PCDH11X: variants seen among roughly 807,000 people sequenced by gnomAD.
The protein encoded by PCDH11X is protocadherin-11 X-linked.
A neutral mutation model predicts 53.3 loss-of-function variants in PCDH11X; 18 were observed. The observed-to-expected ratio is 0.34, with a 90% CI of 0.23 to 0.50. The LOEUF is 0.50. Among genes scored for constraint, PCDH11X ranks in the 20% least tolerant of loss-of-function variants. The pLI, the probability that PCDH11X is intolerant of heterozygous loss-of-function variation, is 0.98. For missense variants in PCDH11X, 570 were observed against 1,032.4 expected, an observed-to-expected ratio of 0.55 and a Z score of 6.14; for synonymous variants, 279 against 393.3, an observed-to-expected ratio of 0.71 and a Z score of 3.44.
At chrX:92,469,829 A>G (rs2073225817) in intron 10 of PCDH11X, among the ~76,000 whole-genome samples, 1 of 107,510 alleles carries the variant, frequency 9.3e-6, no homozygotes, top group Admixed American at 1.0e-4. Context: ...ATTTGACATC[A>G]GGTAATGTGA....
At chrX:92,478,669 T>A (rs939117686) in intron 10 of PCDH11X, among the ~76,000 whole-genome samples, 2 of 111,329 alleles carry the variant, frequency 1.8e-5, no homozygotes, top group Non-Finnish European at 3.8e-5. Context: ...CAATTTCCAT[T>A]TAATTGTATG....
intron 9 of PCDH11X, among the ~76,000 whole-genome samples, chrX:92,456,058 A>G (rs751137757): frequency 3.4e-4 from 38 of 112,228 alleles, no homozygotes; most frequent in African/African-American, 1.2e-3. Context: ...TCCATGCAAA[A>G]TAAGTGAACA....
Position 92,609,217 on chromosome X carries a change from T to A in PCDH11X, c.3368-9047T>A, listed in dbSNP as rs150434453. On this transcript the variant is annotated intron_variant, in intron 10 of 10. Coordinates refer to ENST00000682573, the MANE Select transcript of PCDH11X (RefSeq NM_032968.5). ...TGTTTAACTTGCACATAAAAATTTC[T>A]ACGATAACATACGTTTTCAAATATT... Among the ~76,000 whole-genome samples the A allele has an allele frequency of 1.4e-3, 160 of 112,020 alleles. 1 individual carries two copies. Among genetic ancestry groups the A allele is most frequent in the African/African-American group, 5.0e-3 (156 of 30,977 alleles).
chrX:92,190,466 C>T (rs2066175334), intron 6 of PCDH11X, among the ~76,000 whole-genome samples: 1 of 111,654 alleles, frequency 9.0e-6, no homozygotes, highest in Non-Finnish European at 1.9e-5. Context: ...GAAATAGTAG[C>T]TTAAAACTTT....
intron 6 of PCDH11X, among the ~76,000 whole-genome samples, chrX:91,989,881 T>C (rs1263783554): frequency 9.0e-6 from 1 of 110,826 alleles, no homozygotes; most frequent in African/African-American, 3.3e-5. Flanking sequence ...CCCTACCCTC[T>C]TTCTTCTCTC....
In PCDH11X at chrX:92,263,694, A is replaced by C. The variant is rs62598535; in HGVS notation, c.3144+551A>C. ...TTCAAAAGTAATTGTGGTTTTTGCCATTAAAAGTTATTGTGAAAACCACAA... is the reference window on the plus strand; with the variant it reads ...TTCAAAAGTAATTGTGGTTTTTGCCCTTAAAAGTTATTGTGAAAACCACAA... On this transcript the variant is annotated intron_variant, in intron 8 of 10. Transcript: ENST00000682573. Among the ~76,000 whole-genome samples, 184 of 111,905 alleles carry C rather than the reference A, an allele frequency of 1.6e-3. 1 individual carries two copies. The highest frequency in any genetic ancestry group is 5.6e-3 in the African/African-American group (172 of 30,801).
intron 2 of PCDH11X, 43 bp from the exon 3 acceptor site, chrX:91,810,430 G>A (rs955254994): frequency 2.7e-4 from 30 of 111,767 alleles, no homozygotes; most frequent in African/African-American, 9.7e-4. Flanking sequence ...ATTTAGATTT[G>A]TGGTTTCTTG....
At chrX:92,368,264 C>T (rs1359999936) in intron 8 of PCDH11X, among the ~76,000 whole-genome samples, 2 of 110,700 alleles carry the variant, frequency 1.8e-5, no homozygotes, top group Admixed American at 9.6e-5. Flanking sequence ...CTCAGATATC[C>T]GTTCTTCCAC....
At chrX:92,329,047 G>T (rs2069401550) in intron 8 of PCDH11X, among the ~76,000 whole-genome samples, 1 of 110,631 alleles carries the variant, frequency 9.0e-6, no homozygotes, top group African/African-American at 3.3e-5. Context: ...TGAATATTTG[G>T]TGAGTCAAAT....
chrX:91,988,510 A>T (rs1360184695), intron 6 of PCDH11X, among the ~76,000 whole-genome samples: 1 of 112,280 alleles, frequency 8.9e-6, no homozygotes, highest in Non-Finnish European at 1.9e-5. Flanking sequence ...TATAGCAATC[A>T]ATTCGCATGC....
chrX:91,795,295 C>T (rs779394480), intron 1 of PCDH11X, among the ~76,000 whole-genome samples: 51 of 111,615 alleles, frequency 4.6e-4, no homozygotes, highest in African/African-American at 1.5e-3. Flanking sequence ...AAGTGACTTG[C>T]CCAAGGTCAC....
At chrX:92,583,103 AT>A (rs762321411) in intron 10 of PCDH11X, among the ~76,000 whole-genome samples, 25,909 of 76,066 alleles carry the variant, frequency 0.34, 5,381 homozygotes, top group African/African-American at 0.58. Flanking sequence ...TGGACTGTGG[AT>A]TTTTTTTTTT....
intron 1 of PCDH11X, among the ~76,000 whole-genome samples, chrX:91,780,423 C>G (rs1284883391): frequency 2.7e-5 from 3 of 112,360 alleles, no homozygotes; most frequent in Non-Finnish European, 5.6e-5. Context: ...AACTTATAAT[C>G]TAGCCGAAAA....
At chrX:92,077,622 GAGGA>G (rs768755254) in intron 6 of PCDH11X, among the ~76,000 whole-genome samples, 26,571 of 95,955 alleles carry the variant, frequency 0.28, 3,248 homozygotes, top group East Asian at 0.36. Flanking sequence ...GGAAGGAAGG[GAGGA>G]AGGAAGGAAG....
rs531355455 is a variant in PCDH11X at position 92,031,383 on chromosome X, T to G, written c.3033+152110T>G. Among the ~76,000 whole-genome samples the G allele has an allele frequency of 8.0e-5, 8 of 99,521 alleles. No homozygotes were observed. The South Asian group carries it at 3.4e-3, about 43-fold the overall frequency. The allele number at this position is 99,521 out of a possible 115,157, so 86.4% of individuals were successfully genotyped here. On this transcript the variant is annotated intron_variant, in intron 6 of 10. Coordinates refer to ENST00000682573, the MANE Select transcript of PCDH11X (RefSeq NM_032968.5). The stretch of plus-strand genomic sequence containing the variant: ...CCTCCTCATATGTTCTGGTTATTAA[T>G]CCTTTATCAGATGTGTAGCTTTTAA...
chrX:92,086,004 C>T (rs887179824), intron 6 of PCDH11X, among the ~76,000 whole-genome samples: 11 of 111,850 alleles, frequency 9.8e-5, no homozygotes, highest in Non-Finnish European at 2.1e-4. Flanking sequence ...TTAATATTCA[C>T]ATTGATTGCA....
At chrX:92,062,206 G>A (rs1046389199) in intron 6 of PCDH11X, among the ~76,000 whole-genome samples, 5 of 111,184 alleles carry the variant, frequency 4.5e-5, no homozygotes, top group African/African-American at 1.6e-4. Context: ...ATCAGATCTA[G>A]GAGCTTTGAG....
intron 9 of PCDH11X, among the ~76,000 whole-genome samples, chrX:92,393,267 G>A (rs2071172572): frequency 9.0e-6 from 1 of 111,017 alleles, no homozygotes; most frequent in African/African-American, 3.3e-5. Context: ...CTATGTATTT[G>A]TAAGATTATT....
intron 8 of PCDH11X, among the ~76,000 whole-genome samples, chrX:92,354,726 A>G (rs1217096874): frequency 8.9e-6 from 1 of 111,759 alleles, no homozygotes; most frequent in Non-Finnish European, 1.9e-5. Context: ...GTGTTAGTTA[A>G]CAAATACAGT....
Sources: allele counts gnomAD v4.1 joint callset (sites outside exome capture counted in the v4.1 genomes callset), GRCh38; gene constraint gnomAD v4.1.1; transcripts MANE v1.5; gene names NCBI Gene and HGNC (gene_info 2026-07-23, HGNC 2026-07-21).